Variants in TLN2 observed in about 807,000 individuals in gnomAD.
The protein encoded by TLN2 is talin 2.
A neutral mutation model predicts 294.7 loss-of-function variants in TLN2; 118 were observed. The ratio of observed to expected loss-of-function variants is 0.40; its 90% confidence interval spans 0.34 to 0.47. The LOEUF (loss-of-function observed/expected upper bound fraction) is 0.47, where lower values mean the gene tolerates loss of function less well. TLN2 is among the 20% of genes least tolerant of loss of function. TLN2 has a pLI of 0.84. For missense variants in TLN2, 3,083 were observed against 3,282.2 expected (o/e 0.94, Z 1.48); for synonymous variants, 1,431 against 1,304.5 (o/e 1.10, Z -2.09).
chr15:62,588,169 C>T (rs187996643), intron 1 of TLN2, among the ~76,000 whole-genome samples: 104 of 152,184 alleles, frequency 6.8e-4, no homozygotes, highest in Admixed American at 1.9e-3. Context: ...CGTGAGCCAC[C>T]GCACCCGGCC....
intron 12 of TLN2, 21 bp from the exon 13 acceptor site, chr15:62,692,819 C>T: frequency 6.3e-7 from 1 of 1,599,236 alleles, no homozygotes; most frequent in East Asian, 2.2e-5. Context: ...GGCTATATTT[C>T]CTCCATTGCT....
chr15:62,512,942 T>C (rs974385595), intron 1 of TLN2, among the ~76,000 whole-genome samples: 13 of 152,230 alleles, frequency 8.5e-5, no homozygotes, highest in African/African-American at 2.4e-4. Flanking sequence ...CCAGCACTTA[T>C]TTCTTCAGTC....
At chr15:62,752,197 T>G (rs1259186263) in intron 34 of TLN2, 108 bp from the exon 35 acceptor site, 2 of 1,397,174 alleles carry the variant, frequency 1.4e-6, no homozygotes, top group Non-Finnish European at 2.0e-6. Flanking sequence ...AAATGTCAAA[T>G]GTTCCAAATT....
chr15:62,734,303 A>G (rs2060886513), intron 28 of TLN2, among the ~76,000 whole-genome samples: 2 of 152,242 alleles, frequency 1.3e-5, no homozygotes, highest in Admixed American at 6.5e-5. Flanking sequence ...TCAAGAGTCC[A>G]TATGACAAAT....
intron 57 of TLN2, among the ~76,000 whole-genome samples, chr15:62,837,924 C>T (rs1026658485): frequency 2.0e-5 from 3 of 152,180 alleles, no homozygotes; most frequent in Admixed American, 6.5e-5. Flanking sequence ...CACAAGCCTT[C>T]GACTCTGAGG....
intron 45 of TLN2, among the ~76,000 whole-genome samples, chr15:62,787,804 G>C (rs1428856571): frequency 6.9e-6 from 1 of 144,756 alleles, no homozygotes; most frequent in African/African-American, 2.6e-5. Flanking sequence ...CGATTCTCCT[G>C]CCTCAGCCTC....
intron 1 of TLN2, among the ~76,000 whole-genome samples, chr15:62,532,057 T>TCTTTTC (rs201041869): frequency 4.0e-5 from 6 of 151,082 alleles, no homozygotes. Context: ...TCTTTTCTTT[T>TCTTTTC]TTTTTTTTGT....
chr15:62,639,753 C>T (rs558566926), intron 3 of TLN2, among the ~76,000 whole-genome samples: 3 of 152,312 alleles, frequency 2.0e-5, no homozygotes, highest in East Asian at 1.9e-4. Flanking sequence ...CACTCAGGCC[C>T]TGCCCTCTGG....
At chr15:62,734,998 T>G (rs899898339) in intron 28 of TLN2, among the ~76,000 whole-genome samples, 2 of 152,212 alleles carry the variant, frequency 1.3e-5, no homozygotes, top group Non-Finnish European at 2.9e-5. Context: ...TTTCAAAAGT[T>G]CAGTGCGAGA....
chr15:62,538,761 A>G (rs139206630), intron 1 of TLN2, among the ~76,000 whole-genome samples: 2 of 152,280 alleles, frequency 1.3e-5, no homozygotes, highest in African/African-American at 4.8e-5. Context: ...CACTTGATAG[A>G]CTCAGGCCAT....
At chr15:62,681,121 G>A (rs1408815278) in intron 11 of TLN2, among the ~76,000 whole-genome samples, 1 of 152,090 alleles carries the variant, frequency 6.6e-6, no homozygotes, top group Non-Finnish European at 1.5e-5. Flanking sequence ...GGATCAAATG[G>A]TAGATCTGCT....
chr15:62,444,536 CTT>C (rs972926893), intron 1 of TLN2, among the ~76,000 whole-genome samples: 1 of 152,228 alleles, frequency 6.6e-6, no homozygotes, highest in Non-Finnish European at 1.5e-5. Context: ...ACCCTCATTT[CTT>C]AGTCCTTTTG....
intron 57 of TLN2, among the ~76,000 whole-genome samples, chr15:62,836,511 TGTGCCTCTCTCATACGTTACTAACTCG>T (rs1207130607): frequency 1.3e-5 from 2 of 152,238 alleles, no homozygotes; most frequent in Non-Finnish European, 2.9e-5. Flanking sequence ...CATCTTCATC[TGTGCCTCTCTCATACGTTACTAACTCG>T]GTGCCTGCTT....
At position 62,717,564 on chromosome 15, in the gene TLN2, A is replaced by T. The variant is rs902663353; in HGVS notation, c.2764-12A>T. 1.2e-5 allele frequency: 18 copies of T among 1,528,136 alleles called. No homozygotes were observed. The highest frequency in any genetic ancestry group is 1.6e-5 in the Non-Finnish European group (18 of 1,141,908). The allele number at this position is 1,528,136 out of a possible 1,614,324, so 94.7% of individuals were successfully genotyped here. A position where few individuals can be genotyped will look rare whatever the true frequency, so the allele number is the denominator to read the frequency against. On this transcript the variant is annotated splice_polypyrimidine_tract_variant and intron_variant, in intron 23 of 58. Transcript: ENST00000636159. ...ATATGCAGATCCTGACTCATCTATC[A>T]CTCCTCTGCAGGTTGCAGCCAAGCA...
intron 14 of TLN2, 80 bp from the exon 15 acceptor site, chr15:62,697,608 T>C: frequency 1.4e-6 from 2 of 1,468,870 alleles, no homozygotes; most frequent in East Asian, 2.3e-5. Flanking sequence ...GCAGGGAACA[T>C]ACGTGACATC....
chr15:62,404,001 A>G (rs527249550), intron 1 of TLN2, among the ~76,000 whole-genome samples: 9 of 152,314 alleles, frequency 5.9e-5, no homozygotes, highest in South Asian at 2.1e-4. Context: ...GGCACATGAT[A>G]GGTACTCGAC....
chr15:62,650,250 A>G (rs898456735), intron 5 of TLN2, 69 bp downstream of exon 5: 10 of 1,494,518 alleles, frequency 6.7e-6, no homozygotes, highest in African/African-American at 1.4e-5. Context: ...AGACGCCAAC[A>G]CGGTTACGCT....
chr15:62,405,559 A>C (rs2033346030), intron 1 of TLN2, among the ~76,000 whole-genome samples: 1 of 152,094 alleles, frequency 6.6e-6, no homozygotes, highest in African/African-American at 2.4e-5. Context: ...GCATTTTCCC[A>C]ATGTGTTTTG....
rs7183464 is a variant in TLN2 at position 62,431,375 on chromosome 15, C to T, written c.-238+40690C>T. Among the ~76,000 whole-genome samples, 372 of 152,132 alleles carry T rather than the reference C, an allele frequency of 2.4e-3. 1 individual carries two copies. The highest frequency in any genetic ancestry group is 8.8e-3 in the African/African-American group (365 of 41,484). The stretch of plus-strand genomic sequence containing the variant: ...GTAGGGATAAACAACTAATTAAGGC[C>T]GAATGTTCTCTACATATTTGTGGAA... On this transcript the variant is annotated intron_variant, in intron 1 of 58. Coordinates refer to ENST00000636159, the MANE Select transcript of TLN2 (RefSeq NM_015059.3).
Sources: allele counts gnomAD v4.1 joint callset (sites outside exome capture counted in the v4.1 genomes callset), GRCh38; gene constraint gnomAD v4.1.1; transcripts MANE v1.5; gene names NCBI Gene and HGNC (gene_info 2026-07-23, HGNC 2026-07-21).